The following PTPRD variants were observed in gnomAD, a reference collection of about 807,000 sequenced individuals.
The protein encoded by PTPRD is receptor-type tyrosine-protein phosphatase delta.
Under a neutral mutation model 214.5 loss-of-function variants are expected in PTPRD, and 34 were observed. The ratio of observed to expected loss-of-function variants is 0.16; its 90% CI spans 0.12 to 0.21. The LOEUF is 0.21. PTPRD is among the 10% of genes least tolerant of loss of function. PTPRD has a pLI of 1.00. For synonymous variants in PTPRD, 1,128 were observed against 845.7 expected, an observed-to-expected ratio of 1.33 and a Z score of -5.79; for missense variants, 2,545 against 2,398.7, an observed-to-expected ratio of 1.06 and a Z score of -1.27.
intron 7 of PTPRD, among the ~76,000 whole-genome samples, chr9:9,688,588 C>G (rs182822304): frequency 3.3e-5 from 5 of 151,710 alleles, no homozygotes; most frequent in African/African-American, 9.7e-5. Flanking sequence ...AATATGAGTA[C>G]GACAAAGTTT....
At chr9:8,441,484 C>T (rs914960005) in intron 34 of PTPRD, among the ~76,000 whole-genome samples, 4 of 151,868 alleles carry the variant, frequency 2.6e-5, no homozygotes, top group Admixed American at 2.6e-4. Flanking sequence ...TTTGTTGAAA[C>T]TCAGTCCATG....
intron 14 of PTPRD, among the ~76,000 whole-genome samples, chr9:8,538,902 A>C (rs2077639720): frequency 6.6e-6 from 1 of 151,878 alleles, no homozygotes; most frequent in Non-Finnish European, 1.5e-5. Context: ...AACTCCTTAG[A>C]GAAATCACTG....
intron 11 of PTPRD, among the ~76,000 whole-genome samples, chr9:8,882,884 C>CAAAAAAAAAA (rs759863465): frequency 3.0e-5 from 3 of 101,034 alleles, no homozygotes; most frequent in East Asian, 3.2e-4. Flanking sequence ...GGCTCTGTCT[C>CAAAAAAAAAA]AAAAAAAAAA....
At chr9:8,453,513 GA>G (rs2096054285) in intron 33 of PTPRD, among the ~76,000 whole-genome samples, 1 of 152,096 alleles carries the variant, frequency 6.6e-6, no homozygotes, top group Non-Finnish European at 1.5e-5. Context: ...TCTTTTGGCT[GA>G]AAAAACAAAA....
intron 11 of PTPRD, among the ~76,000 whole-genome samples, chr9:8,790,536 G>A (rs183849589): frequency 6.6e-5 from 10 of 152,002 alleles, no homozygotes; most frequent in Admixed American, 1.3e-4. Context: ...TCCTGCCTCA[G>A]CCTCCCGAGT....
At chr9:10,578,665 A>G (rs2070494961) in intron 2 of PTPRD, among the ~76,000 whole-genome samples, 1 of 152,152 alleles carries the variant, frequency 6.6e-6, no homozygotes, top group Non-Finnish European at 1.5e-5. Flanking sequence ...TCATGCCCAA[A>G]AGTATTGTGT....
intron 27 of PTPRD, among the ~76,000 whole-genome samples, chr9:8,488,820 A>G (rs2097091083): frequency 6.6e-6 from 1 of 152,214 alleles, no homozygotes. Context: ...ATGGTGAAAT[A>G]GAGCTTTCAA....
intron 12 of PTPRD, among the ~76,000 whole-genome samples, chr9:8,673,664 C>A (rs1425205854): frequency 6.6e-6 from 1 of 152,034 alleles, no homozygotes; most frequent in Admixed American, 6.6e-5. Context: ...CCTCTAATTT[C>A]TTGACCTCGT....
Position 9,595,067 on chromosome 9 carries a change from A to G in PTPRD, c.-286-20286T>C, listed in dbSNP as rs559937019. ...CCTTACTCCAGCAAGAATGGTCATC[A>G]TTAACAATTCAAAAAATAATAGATG... On this transcript the variant is annotated intron_variant, in intron 7 of 45. Coordinates refer to ENST00000381196, the MANE Select transcript of PTPRD (RefSeq NM_002839.4). Among the ~76,000 whole-genome samples the G allele has an allele frequency of 2.7e-4, 41 of 151,978 alleles. 1 individual carries two copies. Among genetic ancestry groups the G allele is most frequent in the African/African-American group, 9.6e-4 (40 of 41,476 alleles).
intron 8 of PTPRD, among the ~76,000 whole-genome samples, chr9:9,501,121 T>C (rs550270708): frequency 2.0e-5 from 3 of 151,740 alleles, no homozygotes; most frequent in South Asian, 2.1e-4. Context: ...AAAAAAACAA[T>C]AAAAAGCAAG....
At chr9:8,564,821 T>C (rs2088223057) in intron 14 of PTPRD, among the ~76,000 whole-genome samples, 1 of 152,178 alleles carries the variant, frequency 6.6e-6, no homozygotes, top group Admixed American at 6.5e-5. Flanking sequence ...TTGGTGTGCA[T>C]TCACTTATTG....
chr9:8,794,270 A>G (rs2096336921), intron 11 of PTPRD, among the ~76,000 whole-genome samples: 1 of 152,102 alleles, frequency 6.6e-6, no homozygotes, highest in Non-Finnish European at 1.5e-5. Context: ...TGGAAGTGCA[A>G]TATGTTTAAC....
intron 14 of PTPRD, among the ~76,000 whole-genome samples, chr9:8,607,275 T>G (rs2095262654): frequency 6.6e-6 from 1 of 152,220 alleles, no homozygotes; most frequent in Non-Finnish European, 1.5e-5. Context: ...AAACATCATG[T>G]ACATGGTAAG....
Position 10,296,455 on chromosome 9 carries a change from C to A in PTPRD, c.-545+44508G>T, listed in dbSNP as rs527638145. Among the ~76,000 whole-genome samples the A allele has an allele frequency of 3.9e-5, 6 of 152,188 alleles. No homozygotes were observed. The South Asian group carries it at 8.3e-4, about 21-fold the overall frequency. On this transcript the variant is annotated intron_variant, in intron 3 of 45. Transcript: ENST00000381196. ...ATCTCATTTTGTTTCCTTACCCCAACCTAATTTGTATTTTCTAACACATGG... is the reference window on the plus strand; with the variant it reads ...ATCTCATTTTGTTTCCTTACCCCAAACTAATTTGTATTTTCTAACACATGG...
rs555943034 is a variant in PTPRD at position 8,338,391 on chromosome 9, A to C, written c.5379+531T>G. The stretch of plus-strand genomic sequence containing the variant: ...GGGAGCACAGCTCTCATGGACAGAC[A>C]CATTAGCACACTGAGGAATAAGCCA... On this transcript the variant is annotated intron_variant, in intron 43 of 45. Transcript: ENST00000381196. Among the ~76,000 whole-genome samples the C allele has an allele frequency of 3.9e-5, 6 of 152,252 alleles. No individual in the cohort carries two copies. The South Asian group carries it at 1.2e-3, about 32-fold the overall frequency.
intron 2 of PTPRD, among the ~76,000 whole-genome samples, chr9:10,509,696 T>C (rs1443878683): frequency 2.0e-5 from 3 of 150,958 alleles, no homozygotes; most frequent in Non-Finnish European, 2.9e-5. Context: ...TGACTGTATG[T>C]CCAAGGAGCC....
intron 2 of PTPRD, among the ~76,000 whole-genome samples, chr9:10,595,958 C>A (rs912790037): frequency 6.6e-6 from 1 of 151,780 alleles, no homozygotes; most frequent in African/African-American, 2.4e-5. Flanking sequence ...ACCCTTTAAT[C>A]GTGTGATTTG....
At chr9:10,454,598 A>G (rs2098890632) in intron 2 of PTPRD, among the ~76,000 whole-genome samples, 1 of 151,630 alleles carries the variant, frequency 6.6e-6, no homozygotes, top group Non-Finnish European at 1.5e-5. Context: ...CACCTTAAAC[A>G]TATTCCATAT....
Position 9,600,983 on chromosome 9 carries a change from G to C in PTPRD, c.-286-26202C>G, listed in dbSNP as rs552956936. Among the ~76,000 whole-genome samples, 6 of 152,050 alleles carry C rather than the reference G, an allele frequency of 3.9e-5. No homozygotes were observed. The East Asian group carries it at 1.2e-3, about 30-fold the overall frequency. ...ACCTGGCCATTGGTAATGAGACCTG[G>C]ATATTTTATTTGAGAAATGGCTCAA... On this transcript the variant is annotated intron_variant, in intron 7 of 45. Transcript: ENST00000381196.
Sources: allele counts gnomAD v4.1 joint callset (sites outside exome capture counted in the v4.1 genomes callset), GRCh38; gene constraint gnomAD v4.1.1; transcripts MANE v1.5; gene names NCBI Gene and HGNC (gene_info 2026-07-23, HGNC 2026-07-21).